Variants in PRKN observed in about 807,000 individuals in gnomAD.
The protein encoded by PRKN is E3 ubiquitin-protein ligase parkin.
In PRKN, 56 loss-of-function variants were observed where a neutral mutation model predicts 59.5. That is an observed-to-expected ratio of 0.94 (90% confidence interval 0.76 to 1.18). The LOEUF (loss-of-function observed/expected upper bound fraction) is 1.18. Ranked by LOEUF, PRKN falls within the 50% of genes most tolerant of loss-of-function variation. The pLI is 0.00. For synonymous variants in PRKN, 250 were observed against 222.1 expected, an observed-to-expected ratio of 1.13 and a Z score of -1.12; for missense variants, 657 against 596.4, an observed-to-expected ratio of 1.10 and a Z score of -1.06.
At chr6:161,662,139 T>C (rs916828018) in intron 7 of PRKN, among the ~76,000 whole-genome samples, 1 of 152,172 alleles carries the variant, frequency 6.6e-6, no homozygotes, top group Non-Finnish European at 1.5e-5. Context: ...GTAACGTGAA[T>C]GTTGGCTCAA....
At chr6:162,294,429 C>T (rs939937600) in intron 2 of PRKN, among the ~76,000 whole-genome samples, 1 of 152,126 alleles carries the variant, frequency 6.6e-6, no homozygotes, top group Non-Finnish European at 1.5e-5. Flanking sequence ...AGAGAAGAAC[C>T]TGTGGCTTGA....
Position 162,685,983 on chromosome 6 carries a change from C to T in PRKN, c.7+41679G>A, listed in dbSNP as rs188612312. 7.1e-3 allele frequency among the ~76,000 whole-genome samples: 1,081 copies of T among 152,110 alleles called. 13 individuals carry two copies. Among genetic ancestry groups the T allele is most frequent in the African/African-American group, 0.025 (1,032 of 41,492 alleles). ...AGAGGGTAAGCAAGCCTGTTTATAGCGAACGTCCATTCTGAAGGGAGAGCG... is the reference window on the plus strand; with the variant it reads ...AGAGGGTAAGCAAGCCTGTTTATAGTGAACGTCCATTCTGAAGGGAGAGCG... On this transcript the variant is annotated intron_variant, in intron 1 of 11. Transcript: ENST00000366898.
chr6:162,450,346 C>CCCCCTGTGAATGTAAACG (rs1425032226), intron 1 of PRKN, among the ~76,000 whole-genome samples: 27 of 91,294 alleles, frequency 3.0e-4, no homozygotes, highest in African/African-American at 9.1e-4. Flanking sequence ...TGATTGTAAT[C>CCCCCTGTGAATGTAAACG]CCCCTGTGAA....
chr6:162,251,539 G>T (rs1332630713), intron 3 of PRKN, among the ~76,000 whole-genome samples: 1 of 152,136 alleles, frequency 6.6e-6, no homozygotes, highest in Non-Finnish European at 1.5e-5. Flanking sequence ...AGCAGTTGAA[G>T]AATTTCTTTC....
intron 9 of PRKN, among the ~76,000 whole-genome samples, chr6:161,490,339 T>TTC (rs146235423): frequency 1.7e-4 from 23 of 134,160 alleles, no homozygotes; most frequent in South Asian, 1.3e-3. Context: ...CTTGCTTGCT[T>TTC]TCTCTCTCTC....
At chr6:162,080,567 G>A (rs1304192646) in intron 4 of PRKN, among the ~76,000 whole-genome samples, 2 of 152,080 alleles carry the variant, frequency 1.3e-5, no homozygotes, top group Admixed American at 1.3e-4. Flanking sequence ...TGTCTAAAAC[G>A]AGAATGGACA....
rs570339744 is a variant in PRKN, at chr6:162,106,196, A to T, written c.535-52022T>A. Among the ~76,000 whole-genome samples the T allele has an allele frequency of 4.6e-5, 7 of 152,330 alleles. No homozygotes were observed. In the East Asian group the frequency reaches 1.4e-3, roughly 29 times the overall value. On this transcript the variant is annotated intron_variant, in intron 4 of 11. Coordinates refer to ENST00000366898, the MANE Select transcript of PRKN (RefSeq NM_004562.3). ...ACGGGAAGAGGATGGATAGATTAACAATGGGAACAGGCTGGGAGAAGAGAT... is the reference window on the plus strand; with the variant it reads ...ACGGGAAGAGGATGGATAGATTAACTATGGGAACAGGCTGGGAGAAGAGAT...
intron 6 of PRKN, among the ~76,000 whole-genome samples, chr6:161,936,977 G>C (rs917732146): frequency 1.3e-5 from 2 of 151,930 alleles, no homozygotes; most frequent in Non-Finnish European, 1.5e-5. Flanking sequence ...GTAGAGACAG[G>C]GTTTCACCAT....
At chr6:162,019,927 G>A (rs940917161) in intron 5 of PRKN, among the ~76,000 whole-genome samples, 7 of 152,086 alleles carry the variant, frequency 4.6e-5, no homozygotes, top group South Asian at 2.1e-4. Context: ...GCTGGGGCAG[G>A]AGAATTGCTT....
intron 9 of PRKN, among the ~76,000 whole-genome samples, chr6:161,420,048 C>A (rs1788020019): frequency 6.6e-6 from 1 of 151,860 alleles, no homozygotes; most frequent in South Asian, 2.1e-4. Context: ...ACCATCCTGG[C>A]TAACACGGTG....
chr6:162,137,573 G>A lies in PRKN; in HGVS notation c.534+63558C>T, dbSNP rs1055948767. 3.3e-5 allele frequency among the ~76,000 whole-genome samples: 5 copies of A among 152,318 alleles called. 1 individual carries two copies. Among genetic ancestry groups the A allele is most frequent in the Admixed American group, 2.6e-4 (4 of 15,300 alleles). ...CACTGGGTAAATTAGGAACAGAAAT[G>A]TATTGGCTCACAGCTCTGGGGACTG... On this transcript the variant is annotated intron_variant, in intron 4 of 11. Coordinates refer to ENST00000366898, the MANE Select transcript of PRKN (RefSeq NM_004562.3).
At chr6:162,149,402 A>T (rs1287443860) in intron 4 of PRKN, among the ~76,000 whole-genome samples, 1 of 151,874 alleles carries the variant, frequency 6.6e-6, no homozygotes, top group Admixed American at 6.6e-5. Flanking sequence ...GCACTACCAC[A>T]CCCAGTTAAG....
At chr6:162,291,978 T>C (rs946024578) in intron 2 of PRKN, among the ~76,000 whole-genome samples, 9 of 124,996 alleles carry the variant, frequency 7.2e-5, no homozygotes, top group Admixed American at 4.9e-4. Context: ...TTTTTTTTTT[T>C]CTGAGACGGA....
chr6:161,777,684 A>T (rs9458369), intron 7 of PRKN, among the ~76,000 whole-genome samples: 64 of 112,284 alleles, frequency 5.7e-4, no homozygotes, highest in Middle Eastern at 4.8e-3. Flanking sequence ...TATATATATA[A>T]TATATATATA....
intron 7 of PRKN, among the ~76,000 whole-genome samples, chr6:161,670,181 T>A (rs1037474381): frequency 2.6e-5 from 4 of 152,124 alleles, no homozygotes; most frequent in African/African-American, 9.7e-5. Context: ...CCGGGTACTA[T>A]CCTCTGTGCG....
intron 7 of PRKN, among the ~76,000 whole-genome samples, chr6:161,684,800 A>G (rs1331610171): frequency 1.1e-4 from 16 of 152,134 alleles, no homozygotes; most frequent in Admixed American, 7.2e-4. Context: ...AGGAAAAAAA[A>G]AAAAACATTC....
chr6:162,089,851 C>G (rs1779403581), intron 4 of PRKN, among the ~76,000 whole-genome samples: 1 of 152,078 alleles, frequency 6.6e-6, no homozygotes, highest in Non-Finnish European at 1.5e-5. Context: ...GAGACAAAGT[C>G]AATTTGTGGT....
intron 4 of PRKN, among the ~76,000 whole-genome samples, chr6:162,081,191 T>C (rs1779041272): frequency 6.6e-6 from 1 of 152,044 alleles, no homozygotes; most frequent in Non-Finnish European, 1.5e-5. Flanking sequence ...TCTTCATATT[T>C]TGACCTCCAC....
intron 6 of PRKN, among the ~76,000 whole-genome samples, chr6:161,908,465 G>A (rs1233562601): frequency 6.6e-6 from 1 of 152,074 alleles, no homozygotes; most frequent in Non-Finnish European, 1.5e-5. Flanking sequence ...CTGTATTCTG[G>A]ATATTTAATG....
Sources: allele counts gnomAD v4.1 joint callset (sites outside exome capture counted in the v4.1 genomes callset), GRCh38; gene constraint gnomAD v4.1.1; transcripts MANE v1.5; gene names NCBI Gene and HGNC (gene_info 2026-07-23, HGNC 2026-07-21).